Variants in PCDH9 observed in about 807,000 individuals in gnomAD.
PCDH9 encodes protocadherin-9.
PCDH9 carries 24 observed loss-of-function variants against 70.6 expected under a neutral mutation model. The observed-to-expected ratio is 0.34, with a 90% CI of 0.25 to 0.48. The LOEUF (loss-of-function observed/expected upper bound fraction) is 0.48, where lower values mean the gene tolerates loss of function less well. PCDH9 is among the 20% of genes least tolerant of loss of function. PCDH9 has a pLI of 0.99. For missense variants in PCDH9, 1,281 were observed against 1,503.6 expected, an observed-to-expected ratio of 0.85 and a Z score of 2.45; for synonymous variants, 562 against 558.5, an observed-to-expected ratio of 1.01 and a Z score of -0.09.
intron 2 of PCDH9, among the ~76,000 whole-genome samples, chr13:66,939,442 G>GT (rs2082971871): frequency 6.6e-6 from 1 of 151,700 alleles, no homozygotes. Context: ...GTGTGTGTGT[G>GT]TGTGTGTGTG....
intron 4 of PCDH9, among the ~76,000 whole-genome samples, chr13:66,327,857 G>C (rs1019124251): frequency 1.3e-5 from 2 of 152,080 alleles, no homozygotes; most frequent in African/African-American, 2.4e-5. Context: ...TTCTTATACT[G>C]TATCTCCCCA....
intron 4 of PCDH9, among the ~76,000 whole-genome samples, chr13:66,616,032 T>A (rs2138884280): frequency 6.6e-6 from 1 of 152,358 alleles, no homozygotes; most frequent in East Asian, 1.9e-4. Flanking sequence ...AGATTTGAGC[T>A]TGACTTACAG....
At chr13:66,794,014 T>C (rs915941394) in intron 3 of PCDH9, among the ~76,000 whole-genome samples, 3 of 152,142 alleles carry the variant, frequency 2.0e-5, no homozygotes, top group African/African-American at 7.2e-5. Context: ...TATGTATATG[T>C]GATTAACTTC....
At chr13:66,706,814 T>C (rs1307591894) in intron 3 of PCDH9, among the ~76,000 whole-genome samples, 2 of 151,842 alleles carry the variant, frequency 1.3e-5, no homozygotes, top group Admixed American at 1.3e-4. Flanking sequence ...GTAAAAAGAG[T>C]CAGTTATCAA....
chr13:66,793,073 A>G (rs981889273), intron 3 of PCDH9, among the ~76,000 whole-genome samples: 1 of 151,834 alleles, frequency 6.6e-6, no homozygotes, highest in East Asian at 1.9e-4. Flanking sequence ...TTTGCTGCCA[A>G]TTTTAAAATT....
chr13:66,650,790 A>G (rs2077840293), intron 3 of PCDH9, among the ~76,000 whole-genome samples: 1 of 151,980 alleles, frequency 6.6e-6, no homozygotes, highest in African/African-American at 2.4e-5. Context: ...AGGCCACAAG[A>G]CAAGTCTCAA....
chr13:66,340,812 A>T (rs1345532829), intron 4 of PCDH9, among the ~76,000 whole-genome samples: 1 of 152,152 alleles, frequency 6.6e-6, no homozygotes, highest in Non-Finnish European at 1.5e-5. Flanking sequence ...GTAAACAGAC[A>T]TTTCTTTCTT....
chr13:66,920,892 T>G (rs2082627094), intron 2 of PCDH9, among the ~76,000 whole-genome samples: 2 of 151,324 alleles, frequency 1.3e-5, no homozygotes, highest in African/African-American at 4.8e-5. Context: ...TAAAAACTGC[T>G]TCTTCCTATG....
At chr13:66,688,412 T>C (rs560760643) in intron 3 of PCDH9, among the ~76,000 whole-genome samples, 3 of 152,176 alleles carry the variant, frequency 2.0e-5, no homozygotes, top group Non-Finnish European at 4.4e-5. Context: ...GGAAGGGATA[T>C]GTGGTTAGGC....
intron 4 of PCDH9, among the ~76,000 whole-genome samples, chr13:66,521,883 T>A (rs1383336566): frequency 6.6e-6 from 1 of 151,984 alleles, no homozygotes; most frequent in African/African-American, 2.4e-5. Flanking sequence ...ATTCTGTTTG[T>A]GTGTGCATAT....
chr13:66,669,171 A>G (rs1277132174), intron 3 of PCDH9, among the ~76,000 whole-genome samples: 5 of 152,198 alleles, frequency 3.3e-5, no homozygotes, highest in African/African-American at 1.2e-4. Flanking sequence ...TAGAGAGATA[A>G]AATTTAGTTC....
chr13:66,539,452 C>T (rs781152859), intron 4 of PCDH9, among the ~76,000 whole-genome samples: 2 of 152,008 alleles, frequency 1.3e-5, no homozygotes, highest in Admixed American at 1.3e-4. Context: ...TTTTATAGGG[C>T]CTTTCCCCCT....
chr13:67,127,269 T>C (rs2087000078), intron 2 of PCDH9, among the ~76,000 whole-genome samples: 1 of 152,142 alleles, frequency 6.6e-6, no homozygotes, highest in African/African-American at 2.4e-5. Context: ...GACTGGGTGT[T>C]CTTTGAAGCC....
At chr13:66,389,607 A>C (rs1254837650) in intron 4 of PCDH9, among the ~76,000 whole-genome samples, 1 of 152,198 alleles carries the variant, frequency 6.6e-6, no homozygotes, top group Non-Finnish European at 1.5e-5. Flanking sequence ...AACACAGGGT[A>C]CCAAAAAAGG....
chr13:66,521,062 G>A (rs1331428622), intron 4 of PCDH9, among the ~76,000 whole-genome samples: 1 of 152,122 alleles, frequency 6.6e-6, no homozygotes, highest in African/African-American at 2.4e-5. Context: ...GCACAGTAGG[G>A]TTTAGGGTAG....
At chr13:67,134,811 C>T (rs9541015) in intron 2 of PCDH9, among the ~76,000 whole-genome samples, 12,824 of 151,942 alleles carry the variant, frequency 0.084, 563 homozygotes, top group African/African-American at 0.092. Context: ...ATGAGTAAAA[C>T]GGCAGTTTAA....
chr13:66,871,988 T>C (rs1298057453), intron 3 of PCDH9, among the ~76,000 whole-genome samples: 2 of 151,730 alleles, frequency 1.3e-5, no homozygotes, highest in Non-Finnish European at 2.9e-5. Context: ...CTTTTACACA[T>C]TTCCTCTGGA....
rs149107374 is a variant in PCDH9 at position 66,678,442 on chromosome 13, C to T, written c.3139-47031G>A. Reference sequence around the variant, plus strand: ...CCAAATGTAGTACTAATTTAAAATGCATGAAGCAAAATTGAACACAAAACT... The same window carrying T: ...CCAAATGTAGTACTAATTTAAAATGTATGAAGCAAAATTGAACACAAAACT... On this transcript the variant is annotated intron_variant, in intron 3 of 4. Coordinates refer to ENST00000377865, the MANE Select transcript of PCDH9 (RefSeq NM_203487.3). Among the ~76,000 whole-genome samples the T allele has an allele frequency of 2.3e-3, 353 of 152,042 alleles. 2 individuals carry two copies. Among genetic ancestry groups the T allele is most frequent in the African/African-American group, 8.2e-3 (342 of 41,508 alleles).
At chr13:66,998,903 G>A (rs1320407600) in intron 2 of PCDH9, among the ~76,000 whole-genome samples, 1 of 152,036 alleles carries the variant, frequency 6.6e-6, no homozygotes, top group African/African-American at 2.4e-5. Flanking sequence ...TATTATTAAG[G>A]CTCAATTAAA....
Sources: gnomAD v4.1 joint callset for allele counts (sites outside exome capture counted in the v4.1 genomes callset) on GRCh38, gnomAD v4.1.1 for gene constraint, MANE v1.5 for transcripts, NCBI Gene and HGNC (gene_info 2026-07-23, HGNC 2026-07-21) for gene names.